IZUMO1: variants seen among roughly 807,000 people sequenced by gnomAD.
IZUMO1 encodes the protein izumo sperm-egg fusion protein 1.
Under a neutral mutation model 40.7 loss-of-function variants are expected in IZUMO1, and 44 were observed. The ratio of observed to expected loss-of-function variants is 1.08; its 90% CI spans 0.85 to 1.39. The LOEUF is 1.39. IZUMO1 is among the 40% of genes most tolerant of loss of function. The pLI is 0.00. For missense variants in IZUMO1, 368 were observed against 436.9 expected (o/e 0.84, Z 1.41); for synonymous variants, 149 against 170.9 (o/e 0.87, Z 1.00).
At chr19:48,742,725 C>CCT (rs1555766577) in intron 6 of IZUMO1, among the ~76,000 whole-genome samples, 1 of 93,510 alleles carries the variant, frequency 1.1e-5, no homozygotes, top group African/African-American at 4.4e-5. Flanking sequence ...TTCTCTCTCT[C>CCT]TTTTTTTTTT....
chr19:48,742,403 A>G lies in IZUMO1; in HGVS notation c.500-94T>C, dbSNP rs1245520561. ...CGCTCTGTCGCCCAGGCTGGAATGCATTGGCGCGATCTCGGCTCACTGCAA... is the reference window on the plus strand; with the variant it reads ...CGCTCTGTCGCCCAGGCTGGAATGCGTTGGCGCGATCTCGGCTCACTGCAA... On this transcript the variant is annotated intron_variant, in intron 6 of 9. Coordinates refer to ENST00000332955, the MANE Select transcript of IZUMO1 (RefSeq NM_182575.3). 19 of 862,024 alleles carry G rather than the reference A, an allele frequency of 2.2e-5. No individual in the cohort carries two copies. The East Asian group carries it at 3.2e-4, about 14-fold the overall frequency. 53.4% of individuals were successfully genotyped at this position (862,024 alleles called of 1,614,324 possible).
chr19:48,746,610 A>G lies in IZUMO1; in HGVS notation c.-249T>C, dbSNP rs1035966600. On this transcript the variant is annotated 5_prime_UTR_variant, in exon 1 of 10. Transcript: ENST00000332955. ...GCATCCTGAACAGTGATGCACCCTAAACAGCCGCTCCCCGACCTTGGTTCC... is the reference window on the plus strand; with the variant it reads ...GCATCCTGAACAGTGATGCACCCTAGACAGCCGCTCCCCGACCTTGGTTCC... The G allele has an allele frequency of 1.0e-6, 1 of 985,432 alleles. No homozygotes were observed. Among genetic ancestry groups the G allele is most frequent in the Non-Finnish European group, 1.2e-6 (1 of 829,912 alleles). 61.0% of individuals were successfully genotyped at this position (985,432 alleles called of 1,614,324 possible).
chr19:48,745,897 A>G lies in IZUMO1; in HGVS notation c.-38T>C. On this transcript the variant is annotated 5_prime_UTR_variant, in exon 2 of 10. Coordinates refer to ENST00000332955, the MANE Select transcript of IZUMO1 (RefSeq NM_182575.3). Reference sequence around the variant, plus strand: ...GCACAGTTCCCGAAGACCGTTAGGAAGGGTGCTCTCACCCCAAACCGAGAG... The same window carrying G: ...GCACAGTTCCCGAAGACCGTTAGGAGGGGTGCTCTCACCCCAAACCGAGAG... The G allele has an allele frequency of 6.2e-7, 1 of 1,610,134 alleles. No individual in the cohort carries two copies. The highest frequency in any genetic ancestry group is 8.5e-7 in the Non-Finnish European group (1 of 1,176,846).
At chr19:48,742,622 A>C (rs986952978) in intron 6 of IZUMO1, among the ~76,000 whole-genome samples, 1 of 151,638 alleles carries the variant, frequency 6.6e-6, no homozygotes, top group Non-Finnish European at 1.5e-5. Flanking sequence ...TGCTGCGATT[A>C]CAGGCATGAG....
intron 2 of IZUMO1, 52 bp from the exon 3 acceptor site, chr19:48,745,340 G>T: frequency 1.3e-6 from 2 of 1,519,154 alleles, no homozygotes; most frequent in Non-Finnish European, 9.1e-7. Context: ...TCATTGGCGC[G>T]CCTAATCTTA....
At chr19:48,743,136 C>T (rs1401349427) in intron 6 of IZUMO1, 10 of 371,620 alleles carry the variant, frequency 2.7e-5, no homozygotes, top group Non-Finnish European at 5.1e-5. Flanking sequence ...AAGCAATCCT[C>T]CTGCCTCAGC....
rs1241796201 is a variant in IZUMO1 at position 48,745,791 on chromosome 19, A to G, written c.69T>C (p.Val23=). 1 of 1,614,048 alleles carries G rather than the reference A, an allele frequency of 6.2e-7. No individual in the cohort carries two copies. The highest frequency in any genetic ancestry group is 1.3e-5 in the African/African-American group (1 of 74,908). Reference sequence around the variant, plus strand: ...CCAGCACGACAGACGGGTCACATATAACACACCCCTCGGCAGGAAGCAAGC... The same window carrying G: ...CCAGCACGACAGACGGGTCACATATGACACACCCCTCGGCAGGAAGCAAGC... ...AGCLLPAEGC[V]ICDPSVVLAL... Residue 23 remains valine, a synonymous_variant, in exon 2 of 10, where the codon GTT becomes GTC. Transcript: ENST00000332955.
chr19:48,740,993 T>G lies in IZUMO1; in HGVS notation c.968A>C (p.Lys323Thr). 6.2e-7 allele frequency: 1 copy of G among 1,614,142 alleles called. No individual in the cohort carries two copies. The highest frequency in any genetic ancestry group is 1.1e-5 in the South Asian group (1 of 91,084). ...ACTGCCAAGGCCAAACAGTGAGGAT[T>G]TGATGAAATCGATCACCTTCCTTCG... Reference protein sequence around the residue: ...FRRRKVIDFIKSSLFGLGSGA... With the variant: ...FRRRKVIDFITSSLFGLGSGA... The change falls in exon 10 of 10, where the codon AAA (lysine) becomes ACA (threonine). Residue 323 changes from lysine (K) to threonine (T), a missense_variant. Coordinates refer to ENST00000332955, the MANE Select transcript of IZUMO1 (RefSeq NM_182575.3). The surrounding 1 kb of genome is among the most constrained non-coding windows in gnomAD (Gnocchi z 5.5).
chr19:48,742,107 C>T (rs2013780559), intron 7 of IZUMO1, 102 bp downstream of exon 7: 3 of 1,478,080 alleles, frequency 2.0e-6, no homozygotes, highest in Non-Finnish European at 2.8e-6. Context: ...CCTAATAGAC[C>T]ACCCTCCTGG....
rs1170138378 is a variant in IZUMO1 at position 48,744,155 on chromosome 19, C to T, written c.418+20G>A. On this transcript the variant is annotated intron_variant, in intron 5 of 9. Transcript: ENST00000332955. ...ATTCAGAGGGCAGGATGAGGGTTAACTTCTGTAATCCAGACTCACCACATT... is the reference window on the plus strand; with the variant it reads ...ATTCAGAGGGCAGGATGAGGGTTAATTTCTGTAATCCAGACTCACCACATT... 1 of 1,611,866 alleles carries T rather than the reference C, an allele frequency of 6.2e-7. No individual in the cohort carries two copies. Among genetic ancestry groups the T allele is most frequent in the Non-Finnish European group, 8.5e-7 (1 of 1,178,012 alleles).
rs550621799 is a variant in IZUMO1, at chr19:48,741,837, C to T, written c.706G>A (p.Gly236Ser). ...EDAGSYRCELGSVNSSPATII... is the reference protein window; with the variant it reads ...EDAGSYRCELSSVNSSPATII... The stretch of plus-strand genomic sequence containing the variant: ...GTGGCTGGGCTGGAATTCACAGAGC[C>T]CAGCTCGCAGCGGTAGCTGCCTGCA... The change falls in exon 8 of 10, where the codon GGC (glycine) becomes AGC (serine). Residue 236 changes from glycine (G) to serine (S), a missense_variant. Transcript: ENST00000332955. The surrounding 1 kb of genome is among the most constrained non-coding windows in gnomAD (Gnocchi z 4.4). The T allele has an allele frequency of 6.2e-7, 1 of 1,609,900 alleles. No homozygotes were observed. The highest frequency in any genetic ancestry group is 1.3e-5 in the African/African-American group (1 of 74,978).
chr19:48,746,261 G>A, intron 1 of IZUMO1, 174 bp downstream of exon 1: 1 of 1,057,880 alleles, frequency 9.5e-7, no homozygotes, highest in Non-Finnish European at 1.1e-6. Context: ...TCCCCAGATT[G>A]ACGTGAGCCT....
intron 5 of IZUMO1, chr19:48,743,860 G>A (rs1375534095): frequency 2.1e-5 from 10 of 473,462 alleles, no homozygotes; most frequent in South Asian, 1.1e-4. Flanking sequence ...GTGTGATGGC[G>A]GGCACCTGTA....
chr19:48,745,177 G>C (rs369283532), intron 3 of IZUMO1, 37 bp downstream of exon 3: 29 of 1,556,580 alleles, frequency 1.9e-5, no homozygotes, highest in Non-Finnish European at 2.4e-5. Flanking sequence ...TGGCTTCTCT[G>C]AGAGATTCGG....
At chr19:48,745,462 A>C (rs1228814205) in intron 2 of IZUMO1, 163 bp downstream of exon 2, 2 of 1,046,508 alleles carry the variant, frequency 1.9e-6, no homozygotes, top group African/African-American at 1.6e-5. Flanking sequence ...CCAGCCGAGG[A>C]TAGGGAAAAC....
chr19:48,742,445 T>C, intron 6 of IZUMO1, 136 bp from the exon 7 acceptor site: 1 of 652,424 alleles, frequency 1.5e-6, no homozygotes, highest in Non-Finnish European at 2.8e-6. Flanking sequence ...CTTCCTGGGT[T>C]CAAGCGATTC....
At chr19:48,745,390 C>T in intron 2 of IZUMO1, 102 bp from the exon 3 acceptor site, 2 of 1,161,176 alleles carry the variant, frequency 1.7e-6, no homozygotes, top group Admixed American at 1.9e-5. Context: ...CAAAGATAGG[C>T]CTGGTTAAGG....
rs1450564087 is a variant in IZUMO1 at position 48,745,461 on chromosome 19, G to T, written c.235+164C>A. ...TTATTACATAAAATTGCCAGCCGAGGATAGGGAAAACGGTATTTACTAGCC... is the reference window on the plus strand; with the variant it reads ...TTATTACATAAAATTGCCAGCCGAGTATAGGGAAAACGGTATTTACTAGCC... On this transcript the variant is annotated intron_variant, in intron 2 of 9. Transcript: ENST00000332955. 3.8e-6 allele frequency: 4 copies of T among 1,049,990 alleles called. No homozygotes were observed. The Admixed American group carries it at 9.8e-5, about 26-fold the overall frequency. 65.0% of individuals were successfully genotyped at this position (1,049,990 alleles called of 1,614,324 possible). A position where few individuals can be genotyped will look rare whatever the true frequency, so the allele number is the denominator to read the frequency against.
In IZUMO1 at chr19:48,744,457, T is replaced by C. The variant is rs1158396416; in HGVS notation, c.393A>G (p.Lys131=). ...CCGACTCCCATCTTCTCTCACCCTC[T>C]TTTTGGAATCGAGCAACATAGGTGG... The part of the protein sequence containing the change: ...TFATYVARFQ[K]EAYCPNKCGV... Residue 131 remains lysine (K), a synonymous_variant, in exon 4 of 10, where the codon AAA becomes AAG. Coordinates refer to ENST00000332955, the MANE Select transcript of IZUMO1 (RefSeq NM_182575.3). 1 of 1,611,008 alleles carries C rather than the reference T, an allele frequency of 6.2e-7. No individual in the cohort carries two copies.
Sources: allele counts gnomAD v4.1 joint callset (sites outside exome capture counted in the v4.1 genomes callset), GRCh38; gene constraint gnomAD v4.1.1; non-coding constraint Gnocchi (gnomAD v3.1); transcripts MANE v1.5; gene names NCBI Gene and HGNC (gene_info 2026-07-23, HGNC 2026-07-21).